Variants in ANKRD28 observed in about 807,000 individuals in gnomAD.
ANKRD28 encodes serine/threonine-protein phosphatase 6 regulatory ankyrin repeat subunit A.
Under a neutral mutation model 126.5 loss-of-function variants are expected in ANKRD28, and 44 were observed. That is an observed-to-expected ratio of 0.35 (90% confidence interval 0.27 to 0.45). The LOEUF is 0.45. Ranked by LOEUF, ANKRD28 falls within the 20% of genes least tolerant of loss-of-function variation. ANKRD28 has a pLI of 1.00. For synonymous variants in ANKRD28, 442 were observed against 468.5 expected (o/e 0.94, Z 0.73); for missense variants, 1,110 against 1,316.6 (o/e 0.84, Z 2.43).
chr3:15,742,403 G>A (rs1485653147), intron 4 of ANKRD28, among the ~76,000 whole-genome samples: 1 of 149,888 alleles, frequency 6.7e-6, no homozygotes, highest in African/African-American at 2.5e-5. Context: ...CGTCTGGGAT[G>A]TGAGAAGCGC....
chr3:15,815,606 T>C lies in ANKRD28; in HGVS notation c.28-20300A>G, dbSNP rs1046086320. Among the ~76,000 whole-genome samples the C allele has an allele frequency of 1.3e-5, 2 of 152,212 alleles. No homozygotes were observed. Among genetic ancestry groups the C allele is most frequent in the Non-Finnish European group, 2.9e-5 (2 of 68,038 alleles). ...AGCCACTGCACCACCCACACACTTC[T>C]TATTGTTCTGAAAGAATCGTCATCA... On this transcript the variant is annotated intron_variant, in intron 1 of 27. Coordinates refer to the ANKRD28 transcript ENST00000399451. The surrounding 1 kb of genome is among the most constrained non-coding windows in gnomAD (Gnocchi z 4.1).
chr3:15,770,987 T>C (rs1057419676), intron 2 of ANKRD28, among the ~76,000 whole-genome samples: 5 of 152,214 alleles, frequency 3.3e-5, no homozygotes, highest in African/African-American at 7.2e-5. Context: ...TTGTACAATT[T>C]ATAGCATGCA....
At chr3:15,731,285 C>T (rs2074575122) in intron 6 of ANKRD28, among the ~76,000 whole-genome samples, 2 of 151,304 alleles carry the variant, frequency 1.3e-5, no homozygotes, top group Admixed American at 1.3e-4. Flanking sequence ...TGCAAAATCC[C>T]CCTGGCCTTC....
At chr3:15,700,177 C>G (rs1322263502) in intron 14 of ANKRD28, among the ~76,000 whole-genome samples, 2 of 152,080 alleles carry the variant, frequency 1.3e-5, no homozygotes, top group Non-Finnish European at 2.9e-5. Context: ...TACGTGGGAG[C>G]TGAACAAGGA....
At chr3:15,807,942 A>C (rs888592547) in intron 1 of ANKRD28, among the ~76,000 whole-genome samples, 1 of 152,254 alleles carries the variant, frequency 6.6e-6, no homozygotes. Flanking sequence ...TAAACATCCC[A>C]GGTAACTTGA....
intron 2 of ANKRD28, among the ~76,000 whole-genome samples, chr3:15,794,349 T>A (rs1010188022): frequency 4.7e-5 from 7 of 150,296 alleles, no homozygotes; most frequent in African/African-American, 1.7e-4. Flanking sequence ...GGAGGAAAGA[T>A]GAGAGTTAAA....
intron 1 of ANKRD28, among the ~76,000 whole-genome samples, chr3:15,835,760 T>A (rs1296294385): frequency 6.6e-6 from 1 of 152,176 alleles, no homozygotes; most frequent in Non-Finnish European, 1.5e-5. Context: ...ATTGAGAAGA[T>A]GGGAGTAAAC....
At position 15,796,394 on chromosome 3, in the gene ANKRD28, A is replaced by G. The variant is rs1198971824; in HGVS notation, c.117+11T>C. ...TAGAATATAGTAAACATATAAACTTACATATCTTACCAATACATTTCCAGA... is the reference window on the plus strand; with the variant it reads ...TAGAATATAGTAAACATATAAACTTGCATATCTTACCAATACATTTCCAGA... On this transcript the variant is annotated intron_variant, in intron 1 of 27. Coordinates refer to ENST00000683139, the MANE Select transcript of ANKRD28 (RefSeq NM_001349278.2). 1 of 1,279,278 alleles carries G rather than the reference A, an allele frequency of 7.8e-7. No homozygotes were observed. The highest frequency in any genetic ancestry group is 1.0e-6 in the Non-Finnish European group (1 of 980,910). 79.2% of individuals were successfully genotyped at this position (1,279,278 alleles called of 1,614,324 possible).
At chr3:15,685,169 C>CA in intron 21 of ANKRD28, 57 bp downstream of exon 21, 2 of 1,574,238 alleles carry the variant, frequency 1.3e-6, no homozygotes, top group Non-Finnish European at 1.7e-6. Context: ...ATAAATATGT[C>CA]ATTCTTTTAT....
intron 2 of ANKRD28, among the ~76,000 whole-genome samples, chr3:15,778,130 T>G (rs766643140): frequency 6.6e-6 from 1 of 152,176 alleles, no homozygotes; most frequent in South Asian, 2.1e-4. Context: ...TAGGTGTCCA[T>G]AGCACTCTGA....
intron 1 of ANKRD28, among the ~76,000 whole-genome samples, chr3:15,850,203 AAAT>A (rs1480800047): frequency 2.1e-5 from 1 of 48,194 alleles, no homozygotes; most frequent in Non-Finnish European, 4.0e-5. Flanking sequence ...AAAAAAAAAA[AAAT>A]ATATATATAT....
intron 18 of ANKRD28, among the ~76,000 whole-genome samples, chr3:15,687,227 G>A (rs931375162): frequency 6.6e-6 from 1 of 152,080 alleles, no homozygotes; most frequent in African/African-American, 2.4e-5. Context: ...ACAGGCATGA[G>A]CCACCGTGCC....
chr3:15,723,249 CAA>C (rs1031939169), intron 7 of ANKRD28, among the ~76,000 whole-genome samples: 2 of 152,168 alleles, frequency 1.3e-5, no homozygotes, highest in Admixed American at 1.3e-4. Context: ...TTGCTTCAGG[CAA>C]AGTGTTTCAC....
intron 17 of ANKRD28, among the ~76,000 whole-genome samples, chr3:15,693,605 A>ATGCTGC (rs56816346): frequency 7.2e-5 from 11 of 152,002 alleles, no homozygotes; most frequent in African/African-American, 1.2e-4. Context: ...TATAATGAGA[A>ATGCTGC]TGCTGCTGCT....
At chr3:15,728,896 C>T (rs2074379933) in intron 6 of ANKRD28, among the ~76,000 whole-genome samples, 1 of 152,200 alleles carries the variant, frequency 6.6e-6, no homozygotes, top group South Asian at 2.1e-4. Flanking sequence ...TAACAATCAA[C>T]TCCCAAATCT....
intron 21 of ANKRD28, 52 bp downstream of exon 21, chr3:15,685,174 T>TA: frequency 5.0e-6 from 8 of 1,584,312 alleles, no homozygotes; most frequent in Non-Finnish European, 6.9e-6. Context: ...TATGTCATTC[T>TA]TTTATCTCTG....
chr3:15,811,603 C>T (rs959842931), intron 1 of ANKRD28, among the ~76,000 whole-genome samples: 6 of 151,916 alleles, frequency 3.9e-5, no homozygotes, highest in African/African-American at 1.2e-4. Context: ...TGCAGGTGCA[C>T]GCCACCATGC....
At chr3:15,683,209 A>G (rs1197541682) in intron 21 of ANKRD28, among the ~76,000 whole-genome samples, 1 of 152,196 alleles carries the variant, frequency 6.6e-6, no homozygotes, top group African/African-American at 2.4e-5. Context: ...TTAAAAACCA[A>G]GCAGTAAGTC....
rs573385761 is a variant in ANKRD28, at chr3:15,755,069, C to T, written c.281-3249G>A. Among the ~76,000 whole-genome samples, 7 of 152,176 alleles carry T rather than the reference C, an allele frequency of 4.6e-5. No homozygotes were observed. The East Asian group carries it at 1.4e-3, about 29-fold the overall frequency. On this transcript the variant is annotated intron_variant, in intron 3 of 27. Coordinates refer to ENST00000683139, the MANE Select transcript of ANKRD28 (RefSeq NM_001349278.2). ...ACTTGAACCTGGGAGGTGGAGGTTG[C>T]AGTGAGCCTAGACCGTGCCATTGCA...
Sources: allele counts gnomAD v4.1 joint callset (sites outside exome capture counted in the v4.1 genomes callset), GRCh38; gene constraint gnomAD v4.1.1; non-coding constraint Gnocchi (gnomAD v3.1); transcripts MANE v1.5; gene names NCBI Gene and HGNC (gene_info 2026-07-23, HGNC 2026-07-21).